NPEPPS: variants seen among roughly 807,000 people sequenced by gnomAD.
The protein encoded by NPEPPS is puromycin-sensitive aminopeptidase.
Under a neutral mutation model 115.5 loss-of-function variants are expected in NPEPPS, and 14 were observed. That is an observed-to-expected ratio of 0.12 (90% CI 0.08 to 0.19). NPEPPS has a LOEUF of 0.19. Among genes scored for constraint, NPEPPS ranks in the 10% least tolerant of loss-of-function variants. NPEPPS has a pLI of 1.00. For synonymous variants in NPEPPS, 285 were observed against 390.6 expected, an observed-to-expected ratio of 0.73 and a Z score of 3.19; for missense variants, 523 against 1,110.8, an observed-to-expected ratio of 0.47 and a Z score of 7.52.
Position 47,531,572 on chromosome 17 carries a change from G to C in NPEPPS, c.255+17G>C. 1 of 1,588,280 alleles carries C rather than the reference G, an allele frequency of 6.3e-7. No individual in the cohort carries two copies. The highest frequency in any genetic ancestry group is 8.6e-7 in the Non-Finnish European group (1 of 1,169,364). On this transcript the variant is annotated intron_variant, in intron 1 of 22. Coordinates refer to ENST00000322157, the MANE Select transcript of NPEPPS (RefSeq NM_006310.4). The stretch of plus-strand genomic sequence containing the variant: ...GCCGCCCAGGTACAGCGACCCTCGG[G>C]CCCCGGGGCAAGCTGCGGGGCGAGC...
Position 47,598,419 on chromosome 17 carries a change from T to C in NPEPPS, c.1537-1257T>C, listed in dbSNP as rs139975599. Among the ~76,000 whole-genome samples, 250 of 152,274 alleles carry C rather than the reference T, an allele frequency of 1.6e-3. 2 individuals carry two copies. In the East Asian group the frequency reaches 0.022, roughly 14 times the overall value. On this transcript the variant is annotated intron_variant, in intron 13 of 22. Transcript: ENST00000322157. ...AGCACAGGAGGTGTGAAGGCTGCAGTGAGCTGTGATGGCAGCACTGCAGTC... is the reference window on the plus strand; with the variant it reads ...AGCACAGGAGGTGTGAAGGCTGCAGCGAGCTGTGATGGCAGCACTGCAGTC...
At chr17:47,561,005 A>C (rs1482674954) in intron 2 of NPEPPS, among the ~76,000 whole-genome samples, 4 of 152,204 alleles carry the variant, frequency 2.6e-5, no homozygotes, top group Admixed American at 2.6e-4. Context: ...TTGACTTGGC[A>C]CTTCTGATAT....
chr17:47,622,548 CA>C lies in NPEPPS; in HGVS notation c.*637del, dbSNP rs879074100. The C allele has an allele frequency of 4.7e-4, 112 of 237,688 alleles. No homozygotes were observed. Among genetic ancestry groups the C allele is most frequent in the South Asian group, 9.0e-4 (20 of 22,226 alleles). 14.7% of individuals were successfully genotyped at this position (237,688 alleles called of 1,614,324 possible). ...CCTTCTGTGTGACCGACCCCTTGGC[CA>C]AAAAAAAACAAAAAGCAAAAAACAA... On this transcript the variant is annotated 3_prime_UTR_variant, in exon 23 of 23. Transcript: ENST00000322157.
intron 19 of NPEPPS, among the ~76,000 whole-genome samples, chr17:47,613,970 C>A (rs971023303): frequency 3.3e-5 from 5 of 150,854 alleles, no homozygotes; most frequent in African/African-American, 1.2e-4. Flanking sequence ...CATCTGAAAT[C>A]TTATTATTAT....
chr17:47,618,369 T>C lies in NPEPPS; in HGVS notation c.2315T>C (p.Met772Thr), dbSNP rs761544720. 5 of 1,613,080 alleles carry C rather than the reference T, an allele frequency of 3.1e-6. No homozygotes were observed. The highest frequency in any genetic ancestry group is 3.3e-4 in the Middle Eastern group (2 of 6,084). The change falls in exon 20 of 23, where the codon ATG becomes ACG. Residue 772 changes from methionine (M) to threonine (T), a missense_variant. Coordinates refer to ENST00000322157, the MANE Select transcript of NPEPPS (RefSeq NM_006310.4). Reference protein sequence around the residue: ...IMLKLHKQADMQEEKNRIERV... With the variant: ...IMLKLHKQADTQEEKNRIERV... ...CTGTAGCTTCATAAACAAGCAGATA[T>C]GCAAGAAGAGAAAAACCGAATCGAA...
chr17:47,588,456 C>T (rs1446755471), intron 9 of NPEPPS, among the ~76,000 whole-genome samples: 3 of 151,584 alleles, frequency 2.0e-5, no homozygotes, highest in Non-Finnish European at 4.4e-5. Flanking sequence ...CCTAGCTACT[C>T]TGGAGGTTGA....
intron 22 of NPEPPS, chr17:47,620,010 A>C (rs1477762927): frequency 2.4e-6 from 1 of 418,776 alleles, no homozygotes; most frequent in Admixed American, 3.9e-5. Flanking sequence ...AGGTGGGTGG[A>C]TCACCTGAGG....
chr17:47,595,576 C>G (rs1248290746), intron 12 of NPEPPS, among the ~76,000 whole-genome samples: 1 of 152,186 alleles, frequency 6.6e-6, no homozygotes, highest in Non-Finnish European at 1.5e-5. Context: ...GGTGTTATGA[C>G]TCACACCTGT....
intron 2 of NPEPPS, among the ~76,000 whole-genome samples, chr17:47,560,743 T>C (rs1048768189): frequency 6.6e-6 from 1 of 152,204 alleles, no homozygotes. Context: ...CTTTGAACTG[T>C]GAACTTTATT....
At chr17:47,557,480 T>G (rs2611940) in intron 2 of NPEPPS, 1 of 147,370 alleles carries the variant, frequency 6.8e-6, no homozygotes, top group African/African-American at 2.4e-5. Flanking sequence ...CTTTATTCCT[T>G]CTTCACTCCC....
intron 21 of NPEPPS, 153 bp from the exon 22 acceptor site, chr17:47,619,584 C>T: frequency 1.5e-6 from 1 of 675,844 alleles, no homozygotes; most frequent in East Asian, 2.6e-5. Flanking sequence ...TAAATAGTTA[C>T]TGGCTTTATT....
At chr17:47,557,782 T>C (rs1213248705) in intron 2 of NPEPPS, among the ~76,000 whole-genome samples, 1 of 149,198 alleles carries the variant, frequency 6.7e-6, no homozygotes, top group African/African-American at 2.4e-5. Flanking sequence ...CTATAAAGGG[T>C]ACATATTAAA....
chr17:47,610,025 T>C (rs1293465047), intron 17 of NPEPPS, among the ~76,000 whole-genome samples: 1 of 152,206 alleles, frequency 6.6e-6, no homozygotes, highest in Non-Finnish European at 1.5e-5. Context: ...GATGTTAACT[T>C]TTTTTGAGAG....
At chr17:47,557,339 A>G (rs1910118258) in intron 2 of NPEPPS, 1 of 151,938 alleles carries the variant, frequency 6.6e-6, no homozygotes, top group South Asian at 2.1e-4. Flanking sequence ...TGGCCTCCCA[A>G]AGTGCTGGGA....
At position 47,614,127 on chromosome 17, in the gene NPEPPS, G is replaced by A. The variant is rs140469031; in HGVS notation, c.2295+402G>A. Among the ~76,000 whole-genome samples, 939 of 151,896 alleles carry A rather than the reference G, an allele frequency of 6.2e-3. 7 individuals are homozygous for A. The highest frequency in any genetic ancestry group is 1.0e-2 in the Non-Finnish European group (677 of 67,950). ...CTGGAATTATAGGAGTGTGATAACC[G>A]CATCCAGCTAATTTTTGTGTTTTTT... On this transcript the variant is annotated intron_variant, in intron 19 of 22. Coordinates refer to ENST00000322157, the MANE Select transcript of NPEPPS (RefSeq NM_006310.4).
chr17:47,562,624 GTGTGTGTGTATA>G (rs1278169333), intron 2 of NPEPPS, among the ~76,000 whole-genome samples: 54 of 151,410 alleles, frequency 3.6e-4, no homozygotes, highest in Middle Eastern at 3.4e-3. Context: ...GTGTGTGTGT[GTGTGTGTGTATA>G]TGTGTGTGTT....
chr17:47,549,780 C>CAAA (rs34434179), intron 2 of NPEPPS, among the ~76,000 whole-genome samples: 5 of 43,316 alleles, frequency 1.2e-4, no homozygotes, highest in Non-Finnish European at 1.9e-4. Flanking sequence ...GACTCTGTCT[C>CAAA]AAAAAAAAAA....
At chr17:47,615,789 A>T (rs1454656584) in intron 19 of NPEPPS, among the ~76,000 whole-genome samples, 1 of 152,146 alleles carries the variant, frequency 6.6e-6, no homozygotes. Context: ...GATTTTCCAC[A>T]AGTATGTGTA....
In NPEPPS at chr17:47,623,083, C is replaced by T; in HGVS notation, c.*1163C>T. The T allele has an allele frequency of 3.8e-6, 1 of 265,386 alleles. No individual in the cohort carries two copies. Among genetic ancestry groups the T allele is most frequent in the Non-Finnish European group, 7.4e-6 (1 of 134,636 alleles). 16.4% of individuals were successfully genotyped at this position (265,386 alleles called of 1,614,324 possible). A position where few individuals can be genotyped will look rare whatever the true frequency, so the allele number is the denominator to read the frequency against. On this transcript the variant is annotated 3_prime_UTR_variant, in exon 23 of 23. Transcript: ENST00000322157. ...CTAAATCTCATTCCCTTCTTCTTTC[C>T]CTACCTTTTTTTTCTTTTTTTCTTA...
Sources: gnomAD v4.1 joint callset for allele counts (sites outside exome capture counted in the v4.1 genomes callset) on GRCh38, gnomAD v4.1.1 for gene constraint, MANE v1.5 for transcripts, NCBI Gene and HGNC (gene_info 2026-07-23, HGNC 2026-07-21) for gene names.